Variants in RRP8 observed in about 807,000 individuals in gnomAD.
RRP8 encodes the protein ribosomal RNA processing 8.
In RRP8, 48 loss-of-function variants were observed where a neutral mutation model predicts 45.0. That is an observed-to-expected ratio of 1.07 (90% CI 0.85 to 1.36). The LOEUF is 1.36. RRP8 is among the 40% of genes most tolerant of loss of function. The pLI, the probability that RRP8 is intolerant of heterozygous loss-of-function variation, is 0.00. For missense variants in RRP8, 658 were observed against 573.7 expected, an observed-to-expected ratio of 1.15 and a Z score of -1.50; for synonymous variants, 274 against 212.4, an observed-to-expected ratio of 1.29 and a Z score of -2.52.
At chr11:6,603,363 G>GT (rs1564838720) in intron 1 of RRP8, 41 bp downstream of exon 1, 1 of 1,440,754 alleles carries the variant, frequency 6.9e-7, no homozygotes, top group Non-Finnish European at 9.5e-7. Flanking sequence ...TGTCCGCTTC[G>GT]CGGCCTGAAA....
chr11:6,601,661 C>A, intron 2 of RRP8, 59 bp from the exon 3 acceptor site: 1 of 1,525,472 alleles, frequency 6.6e-7, no homozygotes, highest in South Asian at 1.2e-5. Context: ...TTCGGAGTCA[C>A]GGCAAGTCAT....
rs1854242877 is a variant in RRP8, at chr11:6,597,297, T to C, written c.*2849A>G. On this transcript the variant is annotated 3_prime_UTR_variant, in exon 7 of 7. Coordinates refer to ENST00000254605, the MANE Select transcript of RRP8 (RefSeq NM_015324.4). ...TAAATCATTTTGCCCTGACTGGGTA[T>C]TTCTATGCACTGTGGGCCTGGAAGA... is the stretch of plus-strand genomic sequence containing the variant. 6.6e-6 allele frequency: 1 copy of C among 152,130 alleles called. No individual in the cohort carries two copies. The highest frequency in any genetic ancestry group is 2.1e-4 in the South Asian group (1 of 4,820). 9.4% of individuals were successfully genotyped at this position (152,130 alleles called of 1,614,324 possible).
rs751352192 is a variant in RRP8, at chr11:6,600,167, T to C, written c.1350A>G (p.Pro450=). 38 of 1,598,558 alleles carry C rather than the reference T, an allele frequency of 2.4e-5. No individual in the cohort carries two copies. The highest frequency in any genetic ancestry group is 1.7e-4 in the Middle Eastern group (1 of 5,996). The change falls in exon 7 of 7, where the codon CCA becomes CCG. Residue 450 remains proline, a synonymous_variant. Transcript: ENST00000254605. Reference sequence around the variant, plus strand: ...GAGGTCACCTGCGCTTGTAGAGACATGGCTGAAGCTGCAGGCCTGAAAGCT... The same window carrying C: ...GAGGTCACCTGCGCTTGTAGAGACACGGCTGAAGCTGCAGGCCTGAAAGCT... The part of the protein sequence containing the change: ...KAQLSGLQLQ[P]CLYKRR
At position 6,596,505 on chromosome 11, in the gene RRP8, AT is replaced by A. The variant is rs1854231425; in HGVS notation, c.*3640del. The A allele has an allele frequency of 6.6e-6, 1 of 152,266 alleles. No homozygotes were observed. The highest frequency in any genetic ancestry group is 6.5e-5 in the Admixed American group (1 of 15,288). 9.4% of individuals were successfully genotyped at this position (152,266 alleles called of 1,614,324 possible). A position where few individuals can be genotyped will look rare whatever the true frequency, so the allele number is the denominator to read the frequency against. On this transcript the variant is annotated 3_prime_UTR_variant, in exon 7 of 7. Transcript: ENST00000254605. Reference sequence around the variant, plus strand: ...AGAGAAGTGACATAAGCTGATTTACATTTTAAAAAGATCACATGGCTGTGTG... The same window carrying A: ...AGAGAAGTGACATAAGCTGATTTACATTTAAAAAGATCACATGGCTGTGTG...
chr11:6,600,699 A>G lies in RRP8; in HGVS notation c.1124T>C (p.Leu375Pro). ...CTTCAGTACTCTATTTGCCTCCTCT[A>G]GGAAGTCCCTGATGTTGGTTCCCAT... ...SLMGTNIRDF[L>P]EEANRVLKPG... is the part of the protein sequence containing the mutation. The change falls in exon 5 of 7, where the codon CTA becomes CCA. Residue 375 changes from leucine (L) to proline (P), a missense_variant. Physicochemically the swap from Leu to Pro is moderately conservative, Grantham distance 98. Transcript: ENST00000254605. The G allele has an allele frequency of 6.2e-7, 1 of 1,614,062 alleles. No individual in the cohort carries two copies. The highest frequency in any genetic ancestry group is 1.7e-5 in the Admixed American group (1 of 60,026).
intron 1 of RRP8, among the ~76,000 whole-genome samples, 194 bp downstream of exon 1, chr11:6,603,210 G>A (rs1013854088): frequency 6.6e-6 from 1 of 152,160 alleles, no homozygotes; most frequent in Admixed American, 6.5e-5. Context: ...AACCCTCTTC[G>A]CTTCACCAAC....
rs1854510262 is a variant in RRP8 at position 6,603,450 on chromosome 11, C to G, written c.53G>C (p.Gly18Ala). The G allele has an allele frequency of 1.2e-6, 2 of 1,604,936 alleles. No individual in the cohort carries two copies. The highest frequency in any genetic ancestry group is 1.7e-6 in the Non-Finnish European group (2 of 1,176,862). The change falls in exon 1 of 7, where the codon GGG becomes GCG. Residue 18 changes from glycine (G) to alanine (A), a missense_variant. Transcript: ENST00000254605. ...AEAAPVAAGL[G>A]PVISRPPPAA... The stretch of plus-strand genomic sequence containing the variant: ...AGGCGGAGGTCGTGAGATTACGGGC[C>G]CAAGGCCCGCGGCTACTGGGGCCGC...
rs1319815447 is a variant in RRP8, at chr11:6,598,975, G to A, written c.*1171C>T. 3 of 152,298 alleles carry A rather than the reference G, an allele frequency of 2.0e-5. No homozygotes were observed. The highest frequency in any genetic ancestry group is 7.2e-5 in the African/African-American group (3 of 41,438). 9.4% of individuals were successfully genotyped at this position (152,298 alleles called of 1,614,324 possible). On this transcript the variant is annotated 3_prime_UTR_variant, in exon 7 of 7. Coordinates refer to ENST00000254605, the MANE Select transcript of RRP8 (RefSeq NM_015324.4). ...GCTGATCTGAGTCCACTGCAAGGCA[G>A]AGATAGTGGACAGACTCTTCCGCCA...
At position 6,603,516 on chromosome 11, in the gene RRP8, G is replaced by A; in HGVS notation, c.-14C>T. 1 of 1,537,218 alleles carries A rather than the reference G, an allele frequency of 6.5e-7. No homozygotes were observed. The highest frequency in any genetic ancestry group is 1.2e-5 in the South Asian group (1 of 84,340). ...CTCTTCGAACATGAGGGTCGGGAGGGCAGGGTCGCCGAGTCCCCGCTCTTC... is the reference window on the plus strand; with the variant it reads ...CTCTTCGAACATGAGGGTCGGGAGGACAGGGTCGCCGAGTCCCCGCTCTTC... On this transcript the variant is annotated 5_prime_UTR_variant, in exon 1 of 7. Coordinates refer to ENST00000254605, the MANE Select transcript of RRP8 (RefSeq NM_015324.4).
rs561784659 is a variant in RRP8, at chr11:6,599,749, A to T, written c.*397T>A. The T allele has an allele frequency of 6.5e-6, 1 of 152,876 alleles. No homozygotes were observed. The highest frequency in any genetic ancestry group is 2.4e-5 in the African/African-American group (1 of 41,612). The allele number at this position is 152,876 out of a possible 1,614,324, so 9.5% of individuals were successfully genotyped here. ...GCTGAAGGAGCAGAAGCTATGGGTG[A>T]GCAGAGGAAGCTGATCTGTAGACAG... On this transcript the variant is annotated 3_prime_UTR_variant, in exon 7 of 7. Transcript: ENST00000254605.
At chr11:6,602,253 A>G (rs1854420368) in intron 1 of RRP8, 38 bp from the exon 2 acceptor site, 27 of 1,513,282 alleles carry the variant, frequency 1.8e-5, no homozygotes, top group Non-Finnish European at 2.3e-5. Context: ...GCCTAAAGAG[A>G]ATGGATGAGG....
In RRP8 at chr11:6,599,355, A is replaced by G. The variant is rs1854288337; in HGVS notation, c.*791T>C. 6.6e-6 allele frequency: 1 copy of G among 152,236 alleles called. No homozygotes were observed. The highest frequency in any genetic ancestry group is 6.5e-5 in the Admixed American group (1 of 15,288). The allele number at this position is 152,236 out of a possible 1,614,324, so 9.4% of individuals were successfully genotyped here. A position where few individuals can be genotyped will look rare whatever the true frequency, so the allele number is the denominator to read the frequency against. ...AACCACCCTGCAAGACAAAAATTCT[A>G]CCATTTTCCAAATGAGGAATGTGAT... On this transcript the variant is annotated 3_prime_UTR_variant, in exon 7 of 7. Transcript: ENST00000254605.
Position 6,602,354 on chromosome 11 carries a change from G to T in RRP8, c.100-139C>A, listed in dbSNP as rs1033939745. The T allele has an allele frequency of 5.9e-6, 6 of 1,010,708 alleles. No homozygotes were observed. In the South Asian group the frequency reaches 1.4e-4, roughly 23 times the overall value. The allele number at this position is 1,010,708 out of a possible 1,614,324, so 62.6% of individuals were successfully genotyped here. The stretch of plus-strand genomic sequence containing the variant: ...CAGTCAAGCCTGCCAGAACCCAGAA[G>T]AACTTTTATGTCACCACCCCAACTT... On this transcript the variant is annotated intron_variant, in intron 1 of 6. Transcript: ENST00000254605.
chr11:6,599,992 C>G lies in RRP8; in HGVS notation c.*154G>C, dbSNP rs1854300731. ...ATGCATCTTATAACCAAGAAGCCTT[C>G]AGTAGAGCAAGTCTGAGCCAGAGGT... On this transcript the variant is annotated 3_prime_UTR_variant, in exon 7 of 7. Transcript: ENST00000254605. 2.0e-6 allele frequency: 1 copy of G among 490,822 alleles called. No homozygotes were observed. The highest frequency in any genetic ancestry group is 3.6e-6 in the Non-Finnish European group (1 of 279,000). 30.4% of individuals were successfully genotyped at this position (490,822 alleles called of 1,614,324 possible).
In RRP8 at chr11:6,596,251, G is replaced by GAA. The variant is rs1209096065; in HGVS notation, c.*3893_*3894dup. On this transcript the variant is annotated 3_prime_UTR_variant, in exon 7 of 7. Coordinates refer to ENST00000254605, the MANE Select transcript of RRP8 (RefSeq NM_015324.4). ...GGAAGATGAAAATGAGCTCACTGGG[G>GAA]AAAGAGTATTCAAGGAAGATGGAGC... The GAA allele has an allele frequency of 3.9e-5, 6 of 152,382 alleles. No homozygotes were observed. The South Asian group carries it at 6.2e-4, about 16-fold the overall frequency. 9.4% of individuals were successfully genotyped at this position (152,382 alleles called of 1,614,324 possible). A position where few individuals can be genotyped will look rare whatever the true frequency, so the allele number is the denominator to read the frequency against.
Position 6,603,586 on chromosome 11 carries a change from GC to G in RRP8, c.-85del. On this transcript the variant is annotated 5_prime_UTR_variant, in exon 1 of 7. Transcript: ENST00000254605. ...TCTGGAAGTCGGAGCGCTCAGACCT[GC>G]CAGAACCGACCCGGAAACCAAAGCG... The G allele has an allele frequency of 1.2e-6, 1 of 846,538 alleles. No individual in the cohort carries two copies. Among genetic ancestry groups the G allele is most frequent in the African/African-American group, 1.8e-5 (1 of 56,570 alleles). 52.4% of individuals were successfully genotyped at this position (846,538 alleles called of 1,614,324 possible).
chr11:6,597,017 A>AT lies in RRP8; in HGVS notation c.*3128dup, dbSNP rs1854238791. Reference sequence around the variant, plus strand: ...CTGCAGCGAGGTTGTGATGTTCTTAATAGATAGTCCTGTGATCAGTTTAAG... The same window carrying AT: ...CTGCAGCGAGGTTGTGATGTTCTTAATTAGATAGTCCTGTGATCAGTTTAAG... On this transcript the variant is annotated 3_prime_UTR_variant, in exon 7 of 7. Coordinates refer to ENST00000254605, the MANE Select transcript of RRP8 (RefSeq NM_015324.4). 6.6e-6 allele frequency: 1 copy of AT among 152,192 alleles called. No homozygotes were observed. The allele number at this position is 152,192 out of a possible 1,614,324, so 9.4% of individuals were successfully genotyped here.
chr11:6,596,620 T>A lies in RRP8; in HGVS notation c.*3526A>T, dbSNP rs908615909. ...AGGAGTTGGGTATCCTAAAACCAGATGGCTGGTCAGAGAATTCACCTGGGA... is the reference window on the plus strand; with the variant it reads ...AGGAGTTGGGTATCCTAAAACCAGAAGGCTGGTCAGAGAATTCACCTGGGA... On this transcript the variant is annotated 3_prime_UTR_variant, in exon 7 of 7. Transcript: ENST00000254605. 6.6e-6 allele frequency: 1 copy of A among 152,184 alleles called. No individual in the cohort carries two copies. The highest frequency in any genetic ancestry group is 2.4e-5 in the African/African-American group (1 of 41,438). The allele number at this position is 152,184 out of a possible 1,614,324, so 9.4% of individuals were successfully genotyped here. A position where few individuals can be genotyped will look rare whatever the true frequency, so the allele number is the denominator to read the frequency against.
chr11:6,601,423 C>A lies in RRP8; in HGVS notation c.643G>T (p.Ala215Ser). The change falls in exon 3 of 7, where the codon GCC (alanine) becomes TCC (serine). Residue 215 changes from alanine to serine, a missense_variant. By Grantham distance (99) the Ala-to-Ser change is moderately conservative. Transcript: ENST00000254605. ...PQVPDQAPAE[A>S]PTEKTEVSPV... ...GACACCTCTGTCTTCTCTGTGGGGG[C>A]CTCAGCTGGGGCCTGGTCTGGCACC... is the stretch of plus-strand genomic sequence containing the variant. 1 of 1,614,164 alleles carries A rather than the reference C, an allele frequency of 6.2e-7. No homozygotes were observed.
Sources: allele counts gnomAD v4.1 joint callset (sites outside exome capture counted in the v4.1 genomes callset), GRCh38; gene constraint gnomAD v4.1.1; transcripts MANE v1.5; gene names NCBI Gene and HGNC (gene_info 2026-07-23, HGNC 2026-07-21).